Variants in PDE3A observed in about 807,000 individuals in gnomAD.
PDE3A encodes phosphodiesterase 3A.
In PDE3A, 43 loss-of-function variants were observed where a neutral mutation model predicts 98.3. The observed-to-expected ratio is 0.44, with a 90% CI of 0.34 to 0.56. The LOEUF (loss-of-function observed/expected upper bound fraction) is 0.56, where lower values mean the gene tolerates loss of function less well. PDE3A is among the 20% of genes least tolerant of loss of function. PDE3A has a pLI of 0.01. For synonymous variants in PDE3A, 663 were observed against 567.9 expected (o/e 1.17, Z -2.38); for missense variants, 1,427 against 1,440.7 (o/e 0.99, Z 0.15).
intron 5 of PDE3A, among the ~76,000 whole-genome samples, chr12:20,625,143 T>C (rs1227458995): frequency 6.6e-6 from 1 of 152,212 alleles, no homozygotes; most frequent in Non-Finnish European, 1.5e-5. Context: ...TCAATGTTAA[T>C]TTTAAATAGC....
At chr12:20,532,437 A>G (rs1941627771) in intron 1 of PDE3A, among the ~76,000 whole-genome samples, 1 of 152,180 alleles carries the variant, frequency 6.6e-6, no homozygotes, top group Non-Finnish European at 1.5e-5. Flanking sequence ...ATTATGGTAT[A>G]TGGAACTTAA....
chr12:20,683,982 CAAA>C lies in PDE3A; in HGVS notation c.*3713_*3715del, dbSNP rs1203939100. On this transcript the variant is annotated 3_prime_UTR_variant, in exon 16 of 16. Coordinates refer to ENST00000359062, the MANE Select transcript of PDE3A (RefSeq NM_000921.5). ...ACTTTCTTTGAAGGTAAAAGCTGTG[CAAA>C]AGGCATGAGACTCAGGCCTACTCTT... The C allele has an allele frequency of 6.6e-6, 1 of 152,022 alleles. No individual in the cohort carries two copies. Among genetic ancestry groups the C allele is most frequent in the African/African-American group, 2.4e-5 (1 of 41,414 alleles). The allele number at this position is 152,022 out of a possible 1,614,324, so 9.4% of individuals were successfully genotyped here.
intron 15 of PDE3A, among the ~76,000 whole-genome samples, chr12:20,679,828 TC>T: frequency 7.3e-6 from 1 of 137,770 alleles, no homozygotes; most frequent in South Asian, 2.1e-4. Context: ...TCCTCTTTTT[TC>T]CCCATTCTCC....
rs1565532651 is a variant in PDE3A at position 20,386,150 on chromosome 12, TATAAATATATATAAATATATAA to T, written c.960+15908_960+15929del. 8.0e-4 allele frequency among the ~76,000 whole-genome samples: 23 copies of T among 28,816 alleles called. No individual in the cohort carries two copies. In the East Asian group the frequency reaches 9.4e-3, roughly 12 times the overall value. 18.9% of individuals were successfully genotyped at this position (28,816 alleles called of 152,430 possible). On this transcript the variant is annotated intron_variant, in intron 1 of 15. Transcript: ENST00000359062. Reference sequence around the variant, plus strand: ...ATATATAAATATATATAAATATATATATAAATATATATAAATATATAAAAATATATATAAATATATATAAATA... The same window carrying T: ...ATATATAAATATATATAAATATATATAAATATATATAAATATATATAAATA...
intron 2 of PDE3A, among the ~76,000 whole-genome samples, chr12:20,587,059 G>C (rs1943215405): frequency 6.6e-6 from 1 of 152,064 alleles, no homozygotes; most frequent in South Asian, 2.1e-4. Context: ...GTGACAGTAG[G>C]CAATAAATAA....
intron 1 of PDE3A, among the ~76,000 whole-genome samples, chr12:20,492,495 A>G (rs1456895021): frequency 6.6e-6 from 1 of 152,138 alleles, no homozygotes; most frequent in Non-Finnish European, 1.5e-5. Context: ...TTATAGAAGT[A>G]TTAAGAAAAG....
chr12:20,388,213 C>G (rs552752246), intron 1 of PDE3A, among the ~76,000 whole-genome samples: 4 of 151,952 alleles, frequency 2.6e-5, no homozygotes, highest in Non-Finnish European at 5.9e-5. Context: ...TATAAAACAC[C>G]CTTGGAAGTA....
Position 20,684,465 on chromosome 12 carries a change from T to A in PDE3A, c.*4194T>A, listed in dbSNP as rs530355252. On this transcript the variant is annotated 3_prime_UTR_variant, in exon 16 of 16. Coordinates refer to ENST00000359062, the MANE Select transcript of PDE3A (RefSeq NM_000921.5). ...CCCTTATTTAGAGATTATTAGCTAATGTGTGAAAGAAATATCAATAGAAGT... is the reference window on the plus strand; with the variant it reads ...CCCTTATTTAGAGATTATTAGCTAAAGTGTGAAAGAAATATCAATAGAAGT... 1.3e-5 allele frequency: 2 copies of A among 152,172 alleles called. No homozygotes were observed. Among genetic ancestry groups the A allele is most frequent in the Non-Finnish European group, 2.9e-5 (2 of 68,024 alleles). 9.4% of individuals were successfully genotyped at this position (152,172 alleles called of 1,614,324 possible).
chr12:20,661,956 C>T (rs1945181367), intron 15 of PDE3A, among the ~76,000 whole-genome samples: 1 of 152,066 alleles, frequency 6.6e-6, no homozygotes, highest in African/African-American at 2.4e-5. Flanking sequence ...ACAGCTGGCA[C>T]CATGTGCCTG....
At chr12:20,627,562 C>T (rs1200892324) in intron 5 of PDE3A, among the ~76,000 whole-genome samples, 1 of 150,972 alleles carries the variant, frequency 6.6e-6, no homozygotes, top group Non-Finnish European at 1.5e-5. Context: ...TCAAATTTTA[C>T]CCACCCCCAC....
At chr12:20,653,833 T>G (rs574505978) in intron 14 of PDE3A, 114 bp from the exon 15 acceptor site, 5 of 1,056,834 alleles carry the variant, frequency 4.7e-6, no homozygotes, top group Non-Finnish European at 5.6e-6. Context: ...GCACTTGAGG[T>G]AGGATCCTTT....
At chr12:20,485,417 T>G (rs1945709595) in intron 1 of PDE3A, among the ~76,000 whole-genome samples, 2 of 152,116 alleles carry the variant, frequency 1.3e-5, no homozygotes, top group Non-Finnish European at 1.5e-5. Flanking sequence ...TTATTCACAC[T>G]GAGGATTAGA....
intron 1 of PDE3A, among the ~76,000 whole-genome samples, chr12:20,485,461 A>G (rs1352333733): frequency 6.6e-6 from 1 of 152,170 alleles, no homozygotes; most frequent in Non-Finnish European, 1.5e-5. Context: ...GGGGGACACA[A>G]TTCAACCCAT....
chr12:20,549,734 G>A (rs1942149790), intron 1 of PDE3A, among the ~76,000 whole-genome samples: 1 of 151,978 alleles, frequency 6.6e-6, no homozygotes, highest in Non-Finnish European at 1.5e-5. Context: ...ATAATATAAA[G>A]ATGATATTAA....
chr12:20,538,183 A>C (rs769915580), intron 1 of PDE3A, among the ~76,000 whole-genome samples: 9 of 151,760 alleles, frequency 5.9e-5, no homozygotes, highest in Non-Finnish European at 1.3e-4. Context: ...GAAAAATCGC[A>C]CTCTGTGTGT....
At chr12:20,550,028 A>G (rs1292133441) in intron 1 of PDE3A, among the ~76,000 whole-genome samples, 1 of 152,182 alleles carries the variant, frequency 6.6e-6, no homozygotes, top group Non-Finnish European at 1.5e-5. Flanking sequence ...CATCGTTAAG[A>G]TAATTAATGG....
chr12:20,645,597 G>A (rs878977797), intron 10 of PDE3A, among the ~76,000 whole-genome samples: 1 of 152,110 alleles, frequency 6.6e-6, no homozygotes, highest in Non-Finnish European at 1.5e-5. Flanking sequence ...ATACTAATCA[G>A]TGAAGTATTA....
chr12:20,419,356 G>A (rs975503816), intron 1 of PDE3A, among the ~76,000 whole-genome samples: 5 of 151,646 alleles, frequency 3.3e-5, no homozygotes, highest in South Asian at 2.1e-4. Flanking sequence ...GCAGTGGTAC[G>A]ATCATAGCTC....
intron 1 of PDE3A, among the ~76,000 whole-genome samples, chr12:20,486,360 A>G (rs1042545791): frequency 2.0e-5 from 3 of 152,096 alleles, no homozygotes; most frequent in Middle Eastern, 3.2e-3. Flanking sequence ...AGAACTCACT[A>G]TCATGAGAAT....
Sources: gnomAD v4.1 joint callset for allele counts (sites outside exome capture counted in the v4.1 genomes callset) on GRCh38, gnomAD v4.1.1 for gene constraint, MANE v1.5 for transcripts, NCBI Gene and HGNC (gene_info 2026-07-23, HGNC 2026-07-21) for gene names.